SLC30A8: variants seen among roughly 807,000 people sequenced by gnomAD.
SLC30A8 encodes proton-coupled zinc antiporter SLC30A8.
SLC30A8 carries 27 observed loss-of-function variants against 36.9 expected under a neutral mutation model. The ratio of observed to expected loss-of-function variants is 0.73; its 90% confidence interval spans 0.54 to 1.01. The LOEUF is 1.01. Ranked by LOEUF, SLC30A8 falls within the 50% of genes least tolerant of loss-of-function variation. The pLI is 0.00. For synonymous variants in SLC30A8, 164 were observed against 172.4 expected (o/e 0.95, Z 0.38); for missense variants, 439 against 452.0 (o/e 0.97, Z 0.26).
intron 2 of SLC30A8, among the ~76,000 whole-genome samples, chr8:117,043,454 C>T (rs1817452995): frequency 6.6e-6 from 1 of 152,136 alleles, no homozygotes; most frequent in Admixed American, 6.5e-5. Flanking sequence ...TCAGAATAAT[C>T]ACAAAAGTGA....
chr8:117,053,505 GAAC>G (rs1252955150), intron 2 of SLC30A8, among the ~76,000 whole-genome samples: 2 of 152,128 alleles, frequency 1.3e-5, no homozygotes, highest in Non-Finnish European at 2.9e-5. Flanking sequence ...ATGGATGGAA[GAAC>G]CATTTCCTGG....
At chr8:117,076,964 C>T (rs1818510355) in intron 2 of SLC30A8, among the ~76,000 whole-genome samples, 1 of 152,144 alleles carries the variant, frequency 6.6e-6, no homozygotes, top group African/African-American at 2.4e-5. Flanking sequence ...TGTGATGACT[C>T]TTGGTAGGGT....
At chr8:116,973,176 T>A (rs548788446) in intron 1 of SLC30A8, among the ~76,000 whole-genome samples, 1 of 152,222 alleles carries the variant, frequency 6.6e-6, no homozygotes, top group Non-Finnish European at 1.5e-5. Flanking sequence ...TACCTTGATC[T>A]TGGACTTCCC....
At chr8:117,007,611 A>G (rs979078649) in intron 1 of SLC30A8, among the ~76,000 whole-genome samples, 4 of 152,228 alleles carry the variant, frequency 2.6e-5, no homozygotes, top group South Asian at 4.1e-4. Context: ...CTTCAAATAC[A>G]TAGTCATGAT....
At chr8:117,019,282 A>T (rs1816628227) in intron 1 of SLC30A8, among the ~76,000 whole-genome samples, 1 of 152,214 alleles carries the variant, frequency 6.6e-6, no homozygotes, top group African/African-American at 2.4e-5. Context: ...TAACAATGTA[A>T]ACTAGTGCTC....
chr8:117,127,128 C>T (rs1468733743), intron 2 of SLC30A8, among the ~76,000 whole-genome samples: 2 of 151,940 alleles, frequency 1.3e-5, no homozygotes, highest in Non-Finnish European at 2.9e-5. Flanking sequence ...TGAGATTATC[C>T]ACAGGTATAT....
intron 3 of SLC30A8, among the ~76,000 whole-genome samples, chr8:117,155,027 T>C (rs962304156): frequency 6.6e-6 from 1 of 152,192 alleles, no homozygotes; most frequent in African/African-American, 2.4e-5. Flanking sequence ...GGCTACCATA[T>C]TAAACAGCAC....
intron 2 of SLC30A8, among the ~76,000 whole-genome samples, chr8:117,051,843 A>C (rs975798006): frequency 1.4e-4 from 21 of 151,644 alleles, no homozygotes; most frequent in African/African-American, 4.8e-4. Flanking sequence ...AAATAAAAAA[A>C]CCGAGCCTGG....
chr8:117,110,292 G>T (rs1357423643), intron 2 of SLC30A8, among the ~76,000 whole-genome samples: 1 of 152,026 alleles, frequency 6.6e-6, no homozygotes, highest in Non-Finnish European at 1.5e-5. Context: ...AGGTTAAATG[G>T]TAGTCTAACA....
intron 3 of SLC30A8, 91 bp downstream of exon 3, chr8:117,153,181 G>A: frequency 7.5e-7 from 1 of 1,341,470 alleles, no homozygotes; most frequent in Non-Finnish European, 9.9e-7. Context: ...AAGCCTTGTT[G>A]GAAAGTCCTT....
intron 1 of SLC30A8, among the ~76,000 whole-genome samples, chr8:117,137,117 G>A (rs1377343727): frequency 1.3e-5 from 2 of 151,822 alleles, no homozygotes; most frequent in Admixed American, 6.6e-5. Flanking sequence ...CCCCTTCTCC[G>A]TCTACATCTC....
At chr8:117,020,085 A>G (rs1239286756) in intron 1 of SLC30A8, among the ~76,000 whole-genome samples, 4 of 152,216 alleles carry the variant, frequency 2.6e-5, no homozygotes, top group Non-Finnish European at 5.9e-5. Context: ...GCTCAGTCAT[A>G]GGAGGAGAGG....
intron 1 of SLC30A8, among the ~76,000 whole-genome samples, chr8:117,030,571 T>G (rs2130738803): frequency 6.6e-6 from 1 of 152,332 alleles, no homozygotes; most frequent in African/African-American, 2.4e-5. Flanking sequence ...AACTTCTGCC[T>G]GGGTGCAGTG....
intron 1 of SLC30A8, among the ~76,000 whole-genome samples, chr8:117,145,586 T>A (rs981366871): frequency 4.6e-5 from 7 of 152,182 alleles, no homozygotes; most frequent in African/African-American, 1.4e-4. Context: ...TGCAAAGTTC[T>A]TAATTCCAAG....
At chr8:117,091,471 T>G (rs1819122869) in intron 2 of SLC30A8, among the ~76,000 whole-genome samples, 1 of 152,186 alleles carries the variant, frequency 6.6e-6, no homozygotes, top group Non-Finnish European at 1.5e-5. Context: ...CCAGGCAGCT[T>G]TCAGTTTCTG....
intron 6 of SLC30A8, among the ~76,000 whole-genome samples, chr8:117,168,155 A>C (rs1823161514): frequency 6.6e-6 from 1 of 150,422 alleles, no homozygotes; most frequent in African/African-American, 2.5e-5. Context: ...TAAAAGTGAG[A>C]TTTGGGTGAG....
intron 2 of SLC30A8, among the ~76,000 whole-genome samples, chr8:117,066,541 A>G (rs997913476): frequency 2.0e-5 from 3 of 152,002 alleles, no homozygotes; most frequent in East Asian, 1.9e-4. Flanking sequence ...ACTCACTTCA[A>G]CTGTTTCAGG....
At chr8:117,097,416 A>AT (rs1563593802) in intron 2 of SLC30A8, among the ~76,000 whole-genome samples, 28 of 104,660 alleles carry the variant, frequency 2.7e-4, no homozygotes, top group Admixed American at 7.4e-4. Context: ...AAAAAAAAAA[A>AT]AAATATATAT....
intron 3 of SLC30A8, among the ~76,000 whole-genome samples, chr8:117,154,184 A>G (rs1822351158): frequency 6.6e-6 from 1 of 151,984 alleles, no homozygotes; most frequent in Admixed American, 6.6e-5. Context: ...GCACCTATCA[A>G]CCCATCATCT....
Sources: allele counts gnomAD v4.1 joint callset (sites outside exome capture counted in the v4.1 genomes callset), GRCh38; gene constraint gnomAD v4.1.1; transcripts MANE v1.5; gene names NCBI Gene and HGNC (gene_info 2026-07-23, HGNC 2026-07-21).